FAXC: variants seen among roughly 807,000 people sequenced by gnomAD.
FAXC encodes failed axon connections homolog, metaxin like GST domain containing, also known as failed axon connections homolog.
Under a neutral mutation model 41.9 loss-of-function variants are expected in FAXC, and 10 were observed. That is an observed-to-expected ratio of 0.24 (90% CI 0.15 to 0.41). FAXC has a LOEUF of 0.41. Ranked by LOEUF, FAXC falls within the 10% of genes least tolerant of loss-of-function variation. FAXC has a pLI of 1.00. For missense variants in FAXC, 399 were observed against 510.9 expected, an observed-to-expected ratio of 0.78 and a Z score of 2.11; for synonymous variants, 183 against 183.8, an observed-to-expected ratio of 1.00 and a Z score of 0.03.
At chr6:99,339,354 C>A (rs1773335951) in intron 2 of FAXC, among the ~76,000 whole-genome samples, 1 of 152,212 alleles carries the variant, frequency 6.6e-6, no homozygotes, top group African/African-American at 2.4e-5. Context: ...GGCTCACCTC[C>A]TTTCTTTTTT....
At chr6:99,291,904 A>G (rs1480788521) in intron 4 of FAXC, 84 bp from the exon 5 acceptor site, 1 of 994,506 alleles carries the variant, frequency 1.0e-6, no homozygotes, top group African/African-American at 1.6e-5. Flanking sequence ...ATTCTATTAC[A>G]TATTCCTTTA....
chr6:99,318,702 C>A (rs1287886316), intron 4 of FAXC, among the ~76,000 whole-genome samples: 1 of 152,182 alleles, frequency 6.6e-6, no homozygotes, highest in Non-Finnish European at 1.5e-5. Context: ...AAGTACTTTA[C>A]AGAAAGCATT....
chr6:99,295,036 A>T (rs940862783), intron 4 of FAXC, among the ~76,000 whole-genome samples: 3 of 152,322 alleles, frequency 2.0e-5, no homozygotes, highest in Non-Finnish European at 2.9e-5. Flanking sequence ...GATAAAGACC[A>T]TATGGAAGAG....
In FAXC at chr6:99,277,098, C is replaced by T. The variant is rs1393516774; in HGVS notation, c.*4066G>A. 6.6e-6 allele frequency: 1 copy of T among 152,540 alleles called. No homozygotes were observed. Among genetic ancestry groups the T allele is most frequent in the Non-Finnish European group, 1.5e-5 (1 of 68,338 alleles). 9.4% of individuals were successfully genotyped at this position (152,540 alleles called of 1,614,324 possible). On this transcript the variant is annotated 3_prime_UTR_variant, in exon 6 of 6. Coordinates refer to ENST00000389677, the MANE Select transcript of FAXC (RefSeq NM_032511.4). ...AGAAGGACTGGCATGAGCAGAGGCACAGAGGTGGGCCACATGAGGCTTTTT... is the reference window on the plus strand; with the variant it reads ...AGAAGGACTGGCATGAGCAGAGGCATAGAGGTGGGCCACATGAGGCTTTTT...
At chr6:99,313,952 T>TG (rs1375582176) in intron 4 of FAXC, among the ~76,000 whole-genome samples, 1 of 152,210 alleles carries the variant, frequency 6.6e-6, no homozygotes, top group East Asian at 1.9e-4. Context: ...TCCAACTCTG[T>TG]GAATGGCTAC....
At chr6:99,336,403 AAAT>A (rs1362284986) in intron 2 of FAXC, among the ~76,000 whole-genome samples, 6 of 152,140 alleles carry the variant, frequency 3.9e-5, no homozygotes, top group Non-Finnish European at 2.9e-5. Flanking sequence ...ACCCAGCCAA[AAAT>A]AATACTTTTT....
rs1445573463 is a variant in FAXC at position 99,272,081 on chromosome 6, C to T, written c.*9083G>A. ...CCAGTTTATCATCCCAAACGTCTTT[C>T]TTCATCTGTAATTTGGGAACAATAA... On this transcript the variant is annotated 3_prime_UTR_variant, in exon 6 of 6. Transcript: ENST00000389677. 6.6e-6 allele frequency: 1 copy of T among 151,750 alleles called. No homozygotes were observed. The highest frequency in any genetic ancestry group is 2.4e-5 in the African/African-American group (1 of 41,292). The allele number at this position is 151,750 out of a possible 1,614,324, so 9.4% of individuals were successfully genotyped here. A position where few individuals can be genotyped will look rare whatever the true frequency, so the allele number is the denominator to read the frequency against.
intron 5 of FAXC, among the ~76,000 whole-genome samples, chr6:99,289,960 T>C (rs1351656431): frequency 2.0e-5 from 3 of 152,032 alleles, no homozygotes; most frequent in Non-Finnish European, 4.4e-5. Context: ...ACCACACATA[T>C]GGACAGCCCA....
intron 1 of FAXC, 122 bp downstream of exon 1, chr6:99,348,985 C>A: frequency 3.3e-6 from 3 of 919,288 alleles, no homozygotes; most frequent in Non-Finnish European, 5.0e-6. Flanking sequence ...AAGGTAATTG[C>A]AGGGCGCTTG....
At chr6:99,323,368 G>A in intron 4 of FAXC, 76 bp downstream of exon 4, 3 of 1,283,820 alleles carry the variant, frequency 2.3e-6, no homozygotes, top group Non-Finnish European at 3.3e-6. Flanking sequence ...ACATAAATTA[G>A]TGAACCAACA....
intron 4 of FAXC, among the ~76,000 whole-genome samples, chr6:99,300,129 T>C (rs1771649573): frequency 1.3e-5 from 2 of 152,190 alleles, no homozygotes; most frequent in African/African-American, 4.8e-5. Context: ...TCTGTCTCTT[T>C]GCTGATGTCC....
rs1389369370 is a variant in FAXC at position 99,278,225 on chromosome 6, T to C, written c.*2939A>G. 2.6e-5 allele frequency: 4 copies of C among 152,208 alleles called. No homozygotes were observed. Among genetic ancestry groups the C allele is most frequent in the Non-Finnish European group, 5.9e-5 (4 of 68,032 alleles). The allele number at this position is 152,208 out of a possible 1,614,324, so 9.4% of individuals were successfully genotyped here. A position where few individuals can be genotyped will look rare whatever the true frequency, so the allele number is the denominator to read the frequency against. ...TAGTTCATCATTGCATAAATATAGA[T>C]TGTCCTTATATCTGTTCTGATGGAG... is the stretch of plus-strand genomic sequence containing the variant. On this transcript the variant is annotated 3_prime_UTR_variant, in exon 6 of 6. Coordinates refer to ENST00000389677, the MANE Select transcript of FAXC (RefSeq NM_032511.4).
rs568196992 is a variant in FAXC, at chr6:99,293,454, G to A, written c.824-1634C>T. Among the ~76,000 whole-genome samples the A allele has an allele frequency of 6.6e-5, 10 of 152,326 alleles. No individual in the cohort carries two copies. The South Asian group carries it at 2.1e-3, about 32-fold the overall frequency. ...CTTTCAAAGCTTTCTGGTGGCAACA[G>A]GAGCTTTCAGTTCATACAGTCCTGT... is the stretch of plus-strand genomic sequence containing the variant. On this transcript the variant is annotated intron_variant, in intron 4 of 5. Transcript: ENST00000389677.
chr6:99,294,390 C>A (rs1771390735), intron 4 of FAXC, among the ~76,000 whole-genome samples: 1 of 152,192 alleles, frequency 6.6e-6, no homozygotes, highest in Admixed American at 6.5e-5. Flanking sequence ...TCCTGCCATC[C>A]TGCTAGGGCA....
rs1381367258 is a variant in FAXC at position 99,276,833 on chromosome 6, C to T, written c.*4331G>A. 1 of 152,130 alleles carries T rather than the reference C, an allele frequency of 6.6e-6. No individual in the cohort carries two copies. The highest frequency in any genetic ancestry group is 1.9e-4 in the East Asian group (1 of 5,186). The allele number at this position is 152,130 out of a possible 1,614,324, so 9.4% of individuals were successfully genotyped here. ...TTCTGGGAATAGGGTATAGAACTTTCGTTGGATTATCAGTGGAGTTCCTGA... is the reference window on the plus strand; with the variant it reads ...TTCTGGGAATAGGGTATAGAACTTTTGTTGGATTATCAGTGGAGTTCCTGA... On this transcript the variant is annotated 3_prime_UTR_variant, in exon 6 of 6. Coordinates refer to ENST00000389677, the MANE Select transcript of FAXC (RefSeq NM_032511.4).
rs547063016 is a variant in FAXC, at chr6:99,275,573, T to C, written c.*5591A>G. On this transcript the variant is annotated 3_prime_UTR_variant, in exon 6 of 6. Transcript: ENST00000389677. ...TAGGTCTGGGGACAAGTTCCTTGCT[T>C]CGGCGAAAGCAGAATGGTTGAGGAG... 1 of 152,292 alleles carries C rather than the reference T, an allele frequency of 6.6e-6. No homozygotes were observed. The highest frequency in any genetic ancestry group is 6.5e-5 in the Admixed American group (1 of 15,302). The allele number at this position is 152,292 out of a possible 1,614,324, so 9.4% of individuals were successfully genotyped here.
At chr6:99,307,451 T>C (rs1277580699) in intron 4 of FAXC, among the ~76,000 whole-genome samples, 2 of 151,924 alleles carry the variant, frequency 1.3e-5, no homozygotes, top group African/African-American at 2.4e-5. Flanking sequence ...GGGGCACCGA[T>C]GGGGGATACT....
At chr6:99,298,049 G>T (rs974307936) in intron 4 of FAXC, among the ~76,000 whole-genome samples, 1 of 152,086 alleles carries the variant, frequency 6.6e-6, no homozygotes, top group South Asian at 2.1e-4. Flanking sequence ...ACAAGCTTTC[G>T]GGTCAGGGTT....
At chr6:99,301,893 T>C (rs1771725994) in intron 4 of FAXC, among the ~76,000 whole-genome samples, 1 of 152,210 alleles carries the variant, frequency 6.6e-6, no homozygotes, top group Non-Finnish European at 1.5e-5. Flanking sequence ...TTAATAGGAT[T>C]GGGGCTATGT....
Sources: gnomAD v4.1 joint callset for allele counts (sites outside exome capture counted in the v4.1 genomes callset) on GRCh38, gnomAD v4.1.1 for gene constraint, MANE v1.5 for transcripts, NCBI Gene and HGNC (gene_info 2026-07-23, HGNC 2026-07-21) for gene names.